The following RBFOX1 variants were observed in gnomAD, a reference collection of about 807,000 sequenced individuals.
RBFOX1 encodes RNA binding fox-1 homolog 1.
A neutral mutation model predicts 57.7 loss-of-function variants in RBFOX1; 8 were observed. The observed-to-expected ratio is 0.14, with a 90% CI of 0.08 to 0.25. The LOEUF is 0.25. RBFOX1 is among the 10% of genes least tolerant of loss of function. RBFOX1 has a pLI of 1.00. For missense variants in RBFOX1, 611 were observed against 548.5 expected (o/e 1.11, Z -1.14); for synonymous variants, 326 against 222.4 (o/e 1.47, Z -4.15).
At chr16:5,988,351 A>G (rs527270351) in intron 4 of RBFOX1, among the ~76,000 whole-genome samples, 2 of 152,372 alleles carry the variant, frequency 1.3e-5, no homozygotes, top group East Asian at 3.9e-4. Flanking sequence ...GGACACAGCC[A>G]TTATCCTAAT....
At chr16:7,394,915 T>C (rs4445917) in intron 4 of RBFOX1, among the ~76,000 whole-genome samples, 21,719 of 152,236 alleles carry the variant, frequency 0.14, 1,640 homozygotes, top group East Asian at 0.25. Flanking sequence ...TGTCTGTGCA[T>C]ACATAAATAA....
intron 4 of RBFOX1, among the ~76,000 whole-genome samples, chr16:7,129,480 G>A (rs1322156229): frequency 6.6e-6 from 1 of 152,138 alleles, no homozygotes. Context: ...ATAGGGATAT[G>A]GTAGGGGCAA....
intron 4 of RBFOX1, among the ~76,000 whole-genome samples, chr16:7,056,730 G>C (rs1297536569): frequency 6.6e-6 from 1 of 152,144 alleles, no homozygotes; most frequent in Non-Finnish European, 1.5e-5. Flanking sequence ...TTGAGTGGTA[G>C]ATGTTGGTTT....
chr16:5,892,855 C>T (rs1030858626), intron 4 of RBFOX1, among the ~76,000 whole-genome samples: 1 of 152,150 alleles, frequency 6.6e-6, no homozygotes, highest in African/African-American at 2.4e-5. Context: ...ATGTGAGATT[C>T]AGCACCCCAG....
chr16:7,567,267 C>CTATATATATCCCTATATATATCCCTA (rs1567864888), intron 5 of RBFOX1, among the ~76,000 whole-genome samples: 15 of 42,416 alleles, frequency 3.5e-4, no homozygotes, highest in African/African-American at 1.2e-3. Context: ...ATATATATCC[C>CTATATATATCCCTATATATATCCCTA]TATATATATA....
At chr16:7,539,744 T>A (rs527751844) in intron 5 of RBFOX1, among the ~76,000 whole-genome samples, 2 of 152,288 alleles carry the variant, frequency 1.3e-5, no homozygotes, top group East Asian at 3.9e-4. Flanking sequence ...GCACTGGGCT[T>A]CCTGCTTCTG....
chr16:7,623,058 T>A (rs868291834), intron 10 of RBFOX1, among the ~76,000 whole-genome samples: 1 of 152,202 alleles, frequency 6.6e-6, no homozygotes, highest in Non-Finnish European at 1.5e-5. Context: ...TATGGCAACC[T>A]CTTTGGCTTC....
chr16:5,708,872 G>C (rs1303454183), intron 3 of RBFOX1, among the ~76,000 whole-genome samples: 1 of 152,132 alleles, frequency 6.6e-6, no homozygotes, highest in Non-Finnish European at 1.5e-5. Flanking sequence ...TGTCATTATT[G>C]AGAATAAACC....
At chr16:5,248,415 G>T (rs904228818) in intron 1 of RBFOX1, among the ~76,000 whole-genome samples, 6 of 152,252 alleles carry the variant, frequency 3.9e-5, no homozygotes, top group Non-Finnish European at 8.8e-5. Context: ...CAGATCCCCA[G>T]GGCCTCTGAG....
chr16:5,354,171 C>T (rs992179747), intron 1 of RBFOX1, among the ~76,000 whole-genome samples: 6 of 152,184 alleles, frequency 3.9e-5, no homozygotes, highest in African/African-American at 1.4e-4. Context: ...CAGGCAGGTG[C>T]ACTTGCGGGA....
chr16:5,973,119 A>G (rs1400429577), intron 4 of RBFOX1, among the ~76,000 whole-genome samples: 1 of 152,206 alleles, frequency 6.6e-6, no homozygotes, highest in Non-Finnish European at 1.5e-5. Context: ...GCTAAAAATA[A>G]TATTCTATTC....
At chr16:5,935,502 C>G (rs948069970) in intron 4 of RBFOX1, among the ~76,000 whole-genome samples, 2 of 152,070 alleles carry the variant, frequency 1.3e-5, no homozygotes, top group Non-Finnish European at 2.9e-5. Context: ...TGGTACCTGG[C>G]CCTGGGGTGA....
chr16:6,968,140 T>C (rs1363912421), intron 3 of RBFOX1, among the ~76,000 whole-genome samples: 1 of 152,150 alleles, frequency 6.6e-6, no homozygotes, highest in Admixed American at 6.5e-5. Flanking sequence ...ACACCACCGC[T>C]AGACTCGGCC....
At chr16:6,972,671 C>G (rs1298710657) in intron 3 of RBFOX1, among the ~76,000 whole-genome samples, 1 of 151,998 alleles carries the variant, frequency 6.6e-6, no homozygotes, top group Non-Finnish European at 1.5e-5. Context: ...GGACAGACAA[C>G]CTGAGTGGAG....
chr16:6,794,382 C>G lies in RBFOX1; in HGVS notation c.-16+139732C>G, dbSNP rs143751054. 2.2e-3 allele frequency among the ~76,000 whole-genome samples: 324 copies of G among 147,748 alleles called. 3 individuals carry two copies. Among genetic ancestry groups the G allele is most frequent in the Middle Eastern group, 3.5e-3 (1 of 286 alleles). ...GGAAATTGCTTTCCTTAACTACACT[C>G]TTTGAAAAAAAATGGGGTTTAATTA... is the stretch of plus-strand genomic sequence containing the variant. On this transcript the variant is annotated intron_variant, in intron 3 of 15. Coordinates refer to ENST00000550418, the MANE Select transcript of RBFOX1 (RefSeq NM_018723.4).
At chr16:7,536,605 A>C (rs1183580584) in intron 5 of RBFOX1, among the ~76,000 whole-genome samples, 2 of 152,196 alleles carry the variant, frequency 1.3e-5, no homozygotes, top group Non-Finnish European at 2.9e-5. Context: ...AAAAAATAAT[A>C]ATAATTAATA....
At chr16:7,440,058 C>T (rs998154856) in intron 4 of RBFOX1, among the ~76,000 whole-genome samples, 2 of 150,060 alleles carry the variant, frequency 1.3e-5, no homozygotes, top group Non-Finnish European at 2.9e-5. Context: ...TTCAGGTGAT[C>T]CTCCCACCTC....
intron 3 of RBFOX1, among the ~76,000 whole-genome samples, chr16:5,758,208 T>C (rs1436807231): frequency 6.6e-6 from 1 of 152,242 alleles, no homozygotes; most frequent in East Asian, 1.9e-4. Flanking sequence ...CAAATGATGC[T>C]ATTAATCCTA....
In RBFOX1 at chr16:5,454,763, C is replaced by CCTTTTCT. The variant is rs373260399; in HGVS notation, c.220-12453_220-12452insCTTTTCT. 5.1e-4 allele frequency among the ~76,000 whole-genome samples: 19 copies of CCTTTTCT among 37,036 alleles called. No homozygotes were observed. In the South Asian group the frequency reaches 5.7e-3, roughly 11 times the overall value. The allele number at this position is 37,036 out of a possible 152,430, so 24.3% of individuals were successfully genotyped here. On this transcript the variant is annotated intron_variant, in intron 1 of 2. Transcript: ENST00000585867. ...TCTTTCTTTTTCTTTTCTTTTCTTT[C>CCTTTTCT]TTTCTCTTTCTTTCTTTCTTTCTTT...
Sources: gnomAD v4.1 joint callset for allele counts (sites outside exome capture counted in the v4.1 genomes callset) on GRCh38, gnomAD v4.1.1 for gene constraint, MANE v1.5 for transcripts, NCBI Gene and HGNC (gene_info 2026-07-23, HGNC 2026-07-21) for gene names.